Variants in KANSL1L observed in about 807,000 individuals in gnomAD.
KANSL1L encodes the protein KAT8 regulatory NSL complex subunit 1 like.
A neutral mutation model predicts 108.6 loss-of-function variants in KANSL1L; 25 were observed. The ratio of observed to expected loss-of-function variants is 0.23; its 90% confidence interval spans 0.17 to 0.32. KANSL1L has a LOEUF of 0.32. Among genes scored for constraint, KANSL1L ranks in the 10% least tolerant of loss-of-function variants. The pLI is 1.00. For missense variants in KANSL1L, 1,137 were observed against 1,125.7 expected (o/e 1.01, Z -0.14); for synonymous variants, 405 against 395.1 (o/e 1.03, Z -0.30).
intron 2 of KANSL1L, among the ~76,000 whole-genome samples, chr2:210,132,931 C>T (rs1480361766): frequency 6.6e-6 from 1 of 152,112 alleles, no homozygotes; most frequent in Non-Finnish European, 1.5e-5. Flanking sequence ...GCCATCTGAG[C>T]CACAAGTTTT....
intron 1 of KANSL1L, among the ~76,000 whole-genome samples, chr2:210,162,980 C>T (rs2095369787): frequency 1.3e-5 from 2 of 152,170 alleles, no homozygotes; most frequent in Admixed American, 6.6e-5. Context: ...GTTCACAGCC[C>T]AGGGCACAGG....
chr2:210,105,970 A>T (rs1187810168), intron 3 of KANSL1L, among the ~76,000 whole-genome samples: 1 of 152,204 alleles, frequency 6.6e-6, no homozygotes, highest in Non-Finnish European at 1.5e-5. Context: ...TCCATTCAAA[A>T]TTTCTACAAG....
chr2:210,107,519 A>AAAAT (rs1553663238), intron 3 of KANSL1L, among the ~76,000 whole-genome samples: 3 of 141,640 alleles, frequency 2.1e-5, no homozygotes, highest in South Asian at 2.2e-4. Flanking sequence ...TCAAAAAAAA[A>AAAAT]ATATATATAT....
intron 5 of KANSL1L, among the ~76,000 whole-genome samples, chr2:210,081,440 T>G (rs759743902): frequency 1.1e-4 from 17 of 152,290 alleles, no homozygotes; most frequent in Non-Finnish European, 2.1e-4. Context: ...CTGCATGATC[T>G]CCCTCCAAAG....
intron 1 of KANSL1L, among the ~76,000 whole-genome samples, chr2:210,163,317 A>G (rs1370536386): frequency 6.6e-6 from 1 of 152,234 alleles, no homozygotes; most frequent in East Asian, 1.9e-4. Flanking sequence ...GAAATTCTAA[A>G]AAGAGAATAA....
chr2:210,143,631 T>C (rs922330263), intron 2 of KANSL1L, among the ~76,000 whole-genome samples: 2 of 152,154 alleles, frequency 1.3e-5, no homozygotes, highest in African/African-American at 2.4e-5. Flanking sequence ...ATATCTACTA[T>C]AGGTTTTTGC....
In KANSL1L at chr2:210,029,869, T is replaced by A. The variant is rs1559498399; in HGVS notation, c.2205A>T (p.Gly735=). The change falls in exon 10 of 15, where the codon GGA becomes GGT. Residue 735 remains glycine (G), a synonymous_variant. Coordinates refer to ENST00000281772, the MANE Select transcript of KANSL1L (RefSeq NM_152519.4). The part of the protein sequence containing the change: ...EESDFQHTES[G]SHSNFTAVSN... ...AAACAGCAGTAAAATTGCTATGGGA[T>A]CCTGATTCTGTGTGTTGAAAATCAG... is the stretch of plus-strand genomic sequence containing the variant. 1 of 1,607,420 alleles carries A rather than the reference T, an allele frequency of 6.2e-7. No homozygotes were observed. Among genetic ancestry groups the A allele is most frequent in the Admixed American group, 1.7e-5 (1 of 59,342 alleles).
intron 1 of KANSL1L, among the ~76,000 whole-genome samples, chr2:210,157,367 C>T (rs2095339390): frequency 6.6e-6 from 1 of 152,092 alleles, no homozygotes; most frequent in African/African-American, 2.4e-5. Context: ...TCATCTTAGT[C>T]TCTGGATAAA....
At chr2:210,090,702 T>TA (rs921527200) in intron 5 of KANSL1L, among the ~76,000 whole-genome samples, 1 of 151,954 alleles carries the variant, frequency 6.6e-6, no homozygotes, top group Non-Finnish European at 1.5e-5. Flanking sequence ...CAGCTAATTT[T>TA]AAAAAAATTT....
chr2:210,116,314 G>T (rs1172608901), intron 3 of KANSL1L, among the ~76,000 whole-genome samples: 1 of 152,150 alleles, frequency 6.6e-6, no homozygotes, highest in Non-Finnish European at 1.5e-5. Flanking sequence ...ACCCACCCGG[G>T]GCTGGGGAGA....
At chr2:210,150,904 T>A (rs981885135) in intron 2 of KANSL1L, among the ~76,000 whole-genome samples, 2 of 152,034 alleles carry the variant, frequency 1.3e-5, no homozygotes, top group African/African-American at 2.4e-5. Flanking sequence ...GCCAACTGCA[T>A]AGGACAAAAC....
At chr2:210,133,011 AT>A (rs918985455) in intron 2 of KANSL1L, among the ~76,000 whole-genome samples, 7 of 151,760 alleles carry the variant, frequency 4.6e-5, no homozygotes, top group African/African-American at 1.5e-4. Context: ...TCTATTTCTC[AT>A]TGTGTCAGTT....
At chr2:210,043,681 A>G (rs1260060824) in intron 7 of KANSL1L, 1 of 293,568 alleles carries the variant, frequency 3.4e-6, no homozygotes, top group Non-Finnish European at 6.2e-6. Context: ...TAACAAGATA[A>G]AAACCTAGTA....
intron 1 of KANSL1L, among the ~76,000 whole-genome samples, chr2:210,165,511 C>T (rs1177166864): frequency 1.3e-5 from 2 of 151,108 alleles, no homozygotes; most frequent in Non-Finnish European, 3.0e-5. Flanking sequence ...CTAATAAAAA[C>T]AAGGGGGGAT....
In KANSL1L at chr2:210,028,714, C is replaced by T. The variant is rs1286238442; in HGVS notation, c.2396+131G>A. 14 of 657,734 alleles carry T rather than the reference C, an allele frequency of 2.1e-5. No individual in the cohort carries two copies. In the Admixed American group the frequency reaches 2.6e-4, roughly 12 times the overall value. The allele number at this position is 657,734 out of a possible 1,614,324, so 40.7% of individuals were successfully genotyped here. The stretch of plus-strand genomic sequence containing the variant: ...AAGGCACGAGTAATTTTTTTTTCAC[C>T]GTTTCCCCTCCATGGCTATGAAGGA... On this transcript the variant is annotated intron_variant, in intron 11 of 14. Transcript: ENST00000281772.
intron 2 of KANSL1L, among the ~76,000 whole-genome samples, chr2:210,140,862 T>C (rs569775038): frequency 3.9e-5 from 6 of 152,330 alleles, no homozygotes; most frequent in African/African-American, 1.4e-4. Flanking sequence ...ACCACCATGG[T>C]TAAATTTATT....
chr2:210,142,104 T>A (rs1575606672), intron 2 of KANSL1L, among the ~76,000 whole-genome samples: 1 of 151,946 alleles, frequency 6.6e-6, no homozygotes, highest in South Asian at 2.1e-4. Context: ...ATTTTTTTTT[T>A]AAGAGTTTGA....
intron 5 of KANSL1L, among the ~76,000 whole-genome samples, chr2:210,085,919 TTTA>T (rs1457156199): frequency 6.7e-6 from 1 of 149,638 alleles, no homozygotes; most frequent in Admixed American, 6.7e-5. Flanking sequence ...TAATTAAATA[TTTA>T]TTAATAATTA....
At chr2:210,041,035 A>T (rs2094158457) in intron 7 of KANSL1L, among the ~76,000 whole-genome samples, 1 of 152,196 alleles carries the variant, frequency 6.6e-6, no homozygotes, top group Non-Finnish European at 1.5e-5. Flanking sequence ...TTATGAAAAC[A>T]TCAAAGTTCA....
Sources: gnomAD v4.1 joint callset for allele counts (sites outside exome capture counted in the v4.1 genomes callset) on GRCh38, gnomAD v4.1.1 for gene constraint, MANE v1.5 for transcripts, NCBI Gene and HGNC (gene_info 2026-07-23, HGNC 2026-07-21) for gene names.